The following SLIT2 variants were observed in gnomAD, a reference collection of about 807,000 sequenced individuals.
SLIT2 encodes the protein slit guidance ligand 2.
SLIT2 carries 41 observed loss-of-function variants against 185.7 expected under a neutral mutation model. That is an observed-to-expected ratio of 0.22 (90% CI 0.17 to 0.29). The LOEUF (loss-of-function observed/expected upper bound fraction) is 0.29, where lower values mean the gene tolerates loss of function less well. SLIT2 is among the 10% of genes least tolerant of loss of function. The probability of loss-of-function intolerance (pLI) is 1.00; values close to 1 mark genes in which losing one functional copy is unlikely to be tolerated. For synonymous variants in SLIT2, 693 were observed against 680.2 expected, an observed-to-expected ratio of 1.02 and a Z score of -0.29; for missense variants, 1,571 against 1,909.0, an observed-to-expected ratio of 0.82 and a Z score of 3.30.
chr4:20,416,110 A>G (rs1727661231), intron 4 of SLIT2, among the ~76,000 whole-genome samples: 1 of 152,186 alleles, frequency 6.6e-6, no homozygotes, highest in Non-Finnish European at 1.5e-5. Context: ...GTATATTGAA[A>G]ATGTCACTCT....
intron 5 of SLIT2, among the ~76,000 whole-genome samples, chr4:20,473,432 A>AAT (rs1361358242): frequency 1.3e-5 from 2 of 151,998 alleles, no homozygotes; most frequent in African/African-American, 2.4e-5. Context: ...TTGGAAAATA[A>AAT]ATATATATAT....
At chr4:20,357,644 C>G (rs536936806) in intron 4 of SLIT2, among the ~76,000 whole-genome samples, 1 of 152,124 alleles carries the variant, frequency 6.6e-6, no homozygotes, top group Non-Finnish European at 1.5e-5. Flanking sequence ...TTTGAAATTA[C>G]TGGTTTGTGA....
chr4:20,355,050 G>A (rs548039768), intron 4 of SLIT2, among the ~76,000 whole-genome samples: 37 of 151,922 alleles, frequency 2.4e-4, no homozygotes, highest in Non-Finnish European at 1.2e-4. Context: ...TTTGAAATAT[G>A]TTTTCCTAAT....
At chr4:20,368,977 T>C (rs114999085) in intron 4 of SLIT2, among the ~76,000 whole-genome samples, 215 of 152,214 alleles carry the variant, frequency 1.4e-3, no homozygotes, top group African/African-American at 4.9e-3. Context: ...AGAAAACAAC[T>C]TTGCTAAGTT....
At chr4:20,399,614 T>C (rs1482342243) in intron 4 of SLIT2, among the ~76,000 whole-genome samples, 1 of 151,834 alleles carries the variant, frequency 6.6e-6, no homozygotes, top group Non-Finnish European at 1.5e-5. Flanking sequence ...CTAATGCATA[T>C]CAATCATTAT....
At chr4:20,472,510 A>ATATC (rs1491456576) in intron 5 of SLIT2, among the ~76,000 whole-genome samples, 5 of 23,438 alleles carry the variant, frequency 2.1e-4, no homozygotes, top group African/African-American at 1.3e-3. Flanking sequence ...ATCTATATAT[A>ATATC]GATAGATATA....
intron 4 of SLIT2, among the ~76,000 whole-genome samples, chr4:20,391,260 T>G (rs1395562356): frequency 2.0e-5 from 3 of 152,082 alleles, no homozygotes; most frequent in Admixed American, 2.0e-4. Context: ...TCAGCCACAA[T>G]GCACATAACC....
chr4:20,298,064 A>G (rs1435599953), intron 4 of SLIT2, among the ~76,000 whole-genome samples: 1 of 151,962 alleles, frequency 6.6e-6, no homozygotes, highest in East Asian at 1.9e-4. Flanking sequence ...AGAGCATAGT[A>G]ATCGGTATCT....
At chr4:20,432,712 G>A (rs535141663) in intron 4 of SLIT2, among the ~76,000 whole-genome samples, 13 of 151,878 alleles carry the variant, frequency 8.6e-5, no homozygotes, top group African/African-American at 3.1e-4. Context: ...AGCTCTTATC[G>A]GGCATTTTAC....
intron 12 of SLIT2, among the ~76,000 whole-genome samples, chr4:20,521,822 A>C (rs1720867358): frequency 6.6e-6 from 1 of 152,206 alleles, no homozygotes; most frequent in Non-Finnish European, 1.5e-5. Flanking sequence ...ATCAAGTAAA[A>C]TGGAAATAAC....
At chr4:20,488,304 A>C (rs1467683512) in intron 7 of SLIT2, among the ~76,000 whole-genome samples, 10 of 152,314 alleles carry the variant, frequency 6.6e-5, no homozygotes, top group Admixed American at 4.6e-4. Context: ...AAGGGTGTGA[A>C]AAAAGTGTTT....
At chr4:20,375,818 A>C (rs1039584686) in intron 4 of SLIT2, among the ~76,000 whole-genome samples, 1 of 152,096 alleles carries the variant, frequency 6.6e-6, no homozygotes, top group African/African-American at 2.4e-5. Context: ...AGTGTCATAC[A>C]TAAAAATGCA....
At chr4:20,613,143 C>G (rs1578025113) in intron 34 of SLIT2, among the ~76,000 whole-genome samples, 1 of 152,278 alleles carries the variant, frequency 6.6e-6, no homozygotes, top group East Asian at 1.9e-4. Context: ...CCAGCAATCC[C>G]ATGACTGAGC....
rs1724759126 is a variant in SLIT2, at chr4:20,562,291, C to T, written c.2726-4971C>T. On this transcript the variant is annotated intron_variant, in intron 26 of 36. Transcript: ENST00000504154. ...TTCCTCTACAATCTCTTGGCTTCCTCATTCCTTTTATTTTTTCACCCACTT... is the reference window on the plus strand; with the variant it reads ...TTCCTCTACAATCTCTTGGCTTCCTTATTCCTTTTATTTTTTCACCCACTT... Among the ~76,000 whole-genome samples, 4 of 151,754 alleles carry T rather than the reference C, an allele frequency of 2.6e-5. No homozygotes were observed. In the Admixed American group the frequency reaches 2.6e-4, roughly 10 times the overall value.
At chr4:20,493,043 T>A (rs948505129) in intron 9 of SLIT2, among the ~76,000 whole-genome samples, 2 of 152,162 alleles carry the variant, frequency 1.3e-5, no homozygotes, top group African/African-American at 4.8e-5. Context: ...AGAACATTAC[T>A]TTACCTCTAG....
chr4:20,483,379 T>A (rs1177333763), intron 6 of SLIT2, among the ~76,000 whole-genome samples: 2 of 152,076 alleles, frequency 1.3e-5, no homozygotes, highest in African/African-American at 4.8e-5. Context: ...AACTGGTTTA[T>A]TGTCAGATTC....
chr4:20,563,105 T>C (rs781609664), intron 26 of SLIT2, among the ~76,000 whole-genome samples: 7 of 151,778 alleles, frequency 4.6e-5, no homozygotes, highest in African/African-American at 7.3e-5. Context: ...AAGATTAAAG[T>C]AACTGACAGA....
intron 33 of SLIT2, among the ~76,000 whole-genome samples, chr4:20,602,949 T>C (rs1728516559): frequency 6.6e-6 from 1 of 152,018 alleles, no homozygotes; most frequent in African/African-American, 2.4e-5. Context: ...AGCTGCCTAA[T>C]AAGGGAATGG....
intron 4 of SLIT2, among the ~76,000 whole-genome samples, chr4:20,417,436 G>GTATATA (rs367855245): frequency 0.015 from 1,831 of 123,662 alleles, 42 homozygotes; most frequent in East Asian, 0.051. Flanking sequence ...ATGTGTGTGT[G>GTATATA]TATATATATA....
Sources: gnomAD v4.1 joint callset for allele counts (sites outside exome capture counted in the v4.1 genomes callset) on GRCh38, gnomAD v4.1.1 for gene constraint, MANE v1.5 for transcripts, NCBI Gene and HGNC (gene_info 2026-07-23, HGNC 2026-07-21) for gene names.